RBMS3: variants seen among roughly 807,000 people sequenced by gnomAD.
RBMS3 encodes RNA-binding motif, single-stranded-interacting protein 3.
A neutral mutation model predicts 66.8 loss-of-function variants in RBMS3; 27 were observed. The observed-to-expected ratio is 0.40, with a 90% CI of 0.30 to 0.56. The LOEUF (loss-of-function observed/expected upper bound fraction) is 0.56. Among genes scored for constraint, RBMS3 ranks in the 20% least tolerant of loss-of-function variants. The pLI is 0.40. For synonymous variants in RBMS3, 188 were observed against 183.0 expected (o/e 1.03, Z -0.22); for missense variants, 513 against 549.5 (o/e 0.93, Z 0.66).
intron 1 of RBMS3, among the ~76,000 whole-genome samples, chr3:29,368,163 A>T (rs1053620952): frequency 6.6e-6 from 1 of 152,194 alleles, no homozygotes; most frequent in Non-Finnish European, 1.5e-5. Flanking sequence ...ATCAAAATTG[A>T]GAAGTTTTAT....
At chr3:29,377,348 G>A (rs2038529136) in intron 1 of RBMS3, among the ~76,000 whole-genome samples, 1 of 152,180 alleles carries the variant, frequency 6.6e-6, no homozygotes, top group African/African-American at 2.4e-5. Flanking sequence ...GGTCTCGGGT[G>A]AGGCCTGCAT....
chr3:29,890,693 A>G (rs1577077802), intron 8 of RBMS3, among the ~76,000 whole-genome samples: 1 of 151,738 alleles, frequency 6.6e-6, no homozygotes, highest in East Asian at 1.9e-4. Flanking sequence ...ATACAAAACT[A>G]TTGCGATTAA....
chr3:29,792,663 G>T lies in RBMS3; in HGVS notation c.637+29674G>T, dbSNP rs551537734. The stretch of plus-strand genomic sequence containing the variant: ...TAAAGTATCTGACAGGAGAATCAAA[G>T]CCTGGCCAAATGAAACAGGAAAAGA... On this transcript the variant is annotated intron_variant, in intron 6 of 14. Transcript: ENST00000383767. 1.3e-4 allele frequency among the ~76,000 whole-genome samples: 20 copies of T among 152,230 alleles called. No individual in the cohort carries two copies. In the East Asian group the frequency reaches 1.4e-3, roughly 10 times the overall value.
intron 1 of RBMS3, among the ~76,000 whole-genome samples, chr3:29,382,606 G>A (rs1319940717): frequency 6.6e-6 from 1 of 152,204 alleles, no homozygotes; most frequent in Non-Finnish European, 1.5e-5. Flanking sequence ...ACACTGCTGT[G>A]TTCACCAAAA....
intron 10 of RBMS3, among the ~76,000 whole-genome samples, chr3:29,914,807 G>C (rs983623891): frequency 1.3e-5 from 2 of 151,846 alleles, no homozygotes; most frequent in African/African-American, 4.8e-5. Flanking sequence ...TTGATGTAAA[G>C]GTTTCAGAAA....
intron 4 of RBMS3, among the ~76,000 whole-genome samples, chr3:29,685,450 G>A (rs1398489780): frequency 6.6e-6 from 1 of 152,084 alleles, no homozygotes; most frequent in Non-Finnish European, 1.5e-5. Flanking sequence ...TGATACTCAA[G>A]TTGCTATTTA....
At chr3:29,574,270 T>C (rs1245409958) in intron 3 of RBMS3, among the ~76,000 whole-genome samples, 1 of 152,150 alleles carries the variant, frequency 6.6e-6, no homozygotes, top group African/African-American at 2.4e-5. Flanking sequence ...TTTAGAATTG[T>C]TATGTTCTTA....
intron 3 of RBMS3, among the ~76,000 whole-genome samples, chr3:29,567,730 T>G (rs1167722560): frequency 2.0e-5 from 3 of 152,160 alleles, no homozygotes; most frequent in African/African-American, 7.2e-5. Context: ...TTTTTCCCCT[T>G]TCCTCATAGC....
intron 6 of RBMS3, among the ~76,000 whole-genome samples, chr3:29,831,871 TA>T (rs1037246244): frequency 6.5e-5 from 8 of 122,404 alleles, no homozygotes; most frequent in African/African-American, 2.1e-4. Flanking sequence ...TTACCTTAAA[TA>T]AAAAAAAATA....
In RBMS3 at chr3:29,657,365, G is replaced by A. The variant is rs80229882; in HGVS notation, c.399+70160G>A. Among the ~76,000 whole-genome samples, 1,085 of 152,198 alleles carry A rather than the reference G, an allele frequency of 7.1e-3. 25 individuals carry two copies. Among genetic ancestry groups the A allele is most frequent in the Admixed American group, 0.058 (880 of 15,280 alleles). On this transcript the variant is annotated intron_variant, in intron 4 of 14. Coordinates refer to ENST00000383767, the MANE Select transcript of RBMS3 (RefSeq NM_001003793.3). ...TAAATATATCTCACACTATTTTGACGGGTGCTTTTTAACCTTTCTGTTTTC... is the reference window on the plus strand; with the variant it reads ...TAAATATATCTCACACTATTTTGACAGGTGCTTTTTAACCTTTCTGTTTTC...
At chr3:29,558,964 C>T (rs935236040) in intron 3 of RBMS3, among the ~76,000 whole-genome samples, 1 of 152,184 alleles carries the variant, frequency 6.6e-6, no homozygotes, top group African/African-American at 2.4e-5. Flanking sequence ...CTGAAATAAA[C>T]AGCCTTAAAG....
At chr3:29,558,564 T>C (rs544437835) in intron 3 of RBMS3, among the ~76,000 whole-genome samples, 14 of 152,162 alleles carry the variant, frequency 9.2e-5, no homozygotes, top group Non-Finnish European at 1.9e-4. Flanking sequence ...ATGAAGCAGA[T>C]TTAGAGTAGT....
At chr3:29,667,797 G>A (rs941965225) in intron 4 of RBMS3, among the ~76,000 whole-genome samples, 6 of 152,106 alleles carry the variant, frequency 3.9e-5, no homozygotes, top group East Asian at 3.9e-4. Context: ...TTAAATTTGG[G>A]AGATAAAAGA....
At chr3:29,935,982 A>G in intron 10 of RBMS3, 104 bp from the exon 11 acceptor site, 4 of 959,016 alleles carry the variant, frequency 4.2e-6, no homozygotes, top group Non-Finnish European at 6.1e-6. Context: ...GTAAAAAAGT[A>G]AAAACATTTG....
chr3:29,963,326 T>C (rs1332612972), intron 12 of RBMS3, among the ~76,000 whole-genome samples: 1 of 152,084 alleles, frequency 6.6e-6, no homozygotes, highest in African/African-American at 2.4e-5. Context: ...CGTGGGTGGA[T>C]CCAAGCATCA....
At chr3:29,442,813 C>G (rs1187807870) in intron 2 of RBMS3, among the ~76,000 whole-genome samples, 5 of 152,082 alleles carry the variant, frequency 3.3e-5, no homozygotes, top group Admixed American at 3.3e-4. Context: ...CCTTTCTTCT[C>G]CTATGGATGG....
At chr3:29,512,523 G>T (rs1367757160) in intron 3 of RBMS3, among the ~76,000 whole-genome samples, 1 of 152,026 alleles carries the variant, frequency 6.6e-6, no homozygotes, top group Non-Finnish European at 1.5e-5. Context: ...TTGATATCAG[G>T]ATATAAACAT....
intron 1 of RBMS3, among the ~76,000 whole-genome samples, chr3:29,318,059 T>C (rs893230232): frequency 1.3e-5 from 2 of 151,848 alleles, no homozygotes; most frequent in African/African-American, 4.8e-5. Context: ...TTACCCTATT[T>C]GGGATCATGT....
At position 29,886,388 on chromosome 3, in the gene RBMS3, C is replaced by A. The variant is rs79758843; in HGVS notation, c.791+2180C>A. ...CCGAGGTAGAGCTGGGAATCGAATG[C>A]CAGTCTGTAACACTAAATAGAGCCT... is the stretch of plus-strand genomic sequence containing the variant. On this transcript the variant is annotated intron_variant, in intron 8 of 14. Transcript: ENST00000383767. Among the ~76,000 whole-genome samples, 1,330 of 151,884 alleles carry A rather than the reference C, an allele frequency of 8.8e-3. 57 individuals are homozygous for A. Among genetic ancestry groups the A allele is most frequent in the Admixed American group, 0.069 (1,045 of 15,220 alleles).
Sources: allele counts gnomAD v4.1 joint callset (sites outside exome capture counted in the v4.1 genomes callset), GRCh38; gene constraint gnomAD v4.1.1; transcripts MANE v1.5; gene names NCBI Gene and HGNC (gene_info 2026-07-23, HGNC 2026-07-21).